Variants in SOX5 observed in about 807,000 individuals in gnomAD.
SOX5 encodes the protein transcription factor SOX-5.
SOX5 carries 9 observed loss-of-function variants against 92.0 expected under a neutral mutation model. That is an observed-to-expected ratio of 0.10 (90% CI 0.06 to 0.17). The LOEUF (loss-of-function observed/expected upper bound fraction) is 0.17. Ranked by LOEUF, SOX5 falls within the 10% of genes least tolerant of loss-of-function variation. The pLI, the probability that SOX5 is intolerant of heterozygous loss-of-function variation, is 1.00. For synonymous variants in SOX5, 344 were observed against 336.3 expected (o/e 1.02, Z -0.25); for missense variants, 642 against 944.5 (o/e 0.68, Z 4.20).
At chr12:23,938,456 G>A (rs1289927328) in intron 1 of SOX5, among the ~76,000 whole-genome samples, 2 of 150,874 alleles carry the variant, frequency 1.3e-5, no homozygotes, top group African/African-American at 4.8e-5. Context: ...TTTGTACAAA[G>A]AATACTTTAA....
At chr12:24,035,290 C>G (rs1013407849) in intron 4 of SOX5, among the ~76,000 whole-genome samples, 3 of 152,078 alleles carry the variant, frequency 2.0e-5, no homozygotes, top group African/African-American at 7.2e-5. Flanking sequence ...TAAAAGCTAA[C>G]CAATGATAAC....
chr12:24,102,281 G>A (rs1249839233), intron 4 of SOX5, among the ~76,000 whole-genome samples: 1 of 152,132 alleles, frequency 6.6e-6, no homozygotes, highest in African/African-American at 2.4e-5. Context: ...TGTTGATAAT[G>A]TTCAATGGTG....
At chr12:24,517,555 G>A (rs1299986623) in intron 1 of SOX5, among the ~76,000 whole-genome samples, 1 of 152,202 alleles carries the variant, frequency 6.6e-6, no homozygotes, top group African/African-American at 2.4e-5. Flanking sequence ...GGCAGTCCTT[G>A]AGGATATCAA....
chr12:23,547,797 A>G (rs1420755303), intron 11 of SOX5, among the ~76,000 whole-genome samples: 1 of 152,148 alleles, frequency 6.6e-6, no homozygotes, highest in East Asian at 1.9e-4. Context: ...ATAGTATTAA[A>G]GTTGAAATAA....
intron 6 of SOX5, among the ~76,000 whole-genome samples, chr12:23,731,835 T>A (rs2093405052): frequency 6.6e-6 from 1 of 152,226 alleles, no homozygotes; most frequent in Non-Finnish European, 1.5e-5. Flanking sequence ...TACAGTCTAC[T>A]ACTCCATCAA....
intron 4 of SOX5, among the ~76,000 whole-genome samples, chr12:24,099,877 T>C (rs890952921): frequency 6.6e-6 from 1 of 152,182 alleles, no homozygotes; most frequent in East Asian, 1.9e-4. Context: ...TGAGACAAGC[T>C]GTAAATCTTG....
In SOX5 at chr12:23,529,558, AAGG is replaced by A. The variant is rs1263550671; in HGVS notation, c.*4658_*4660del. The A allele has an allele frequency of 6.6e-6, 1 of 152,174 alleles. No individual in the cohort carries two copies. Among genetic ancestry groups the A allele is most frequent in the Non-Finnish European group, 1.5e-5 (1 of 68,032 alleles). The allele number at this position is 152,174 out of a possible 1,614,324, so 9.4% of individuals were successfully genotyped here. A position where few individuals can be genotyped will look rare whatever the true frequency, so the allele number is the denominator to read the frequency against. On this transcript the variant is annotated 3_prime_UTR_variant, in exon 15 of 15. Transcript: ENST00000451604. ...GCCTTGCATGGCAGTAATACTGAAA[AAGG>A]AGAATGCAAAAAAATAAAATAAAAT...
At chr12:23,744,042 C>A (rs2093896334) in intron 4 of SOX5, among the ~76,000 whole-genome samples, 1 of 152,096 alleles carries the variant, frequency 6.6e-6, no homozygotes. Flanking sequence ...ACTTTTTGAA[C>A]CTTCAGCCCA....
At position 23,895,208 on chromosome 12, in the gene SOX5, CA is replaced by C. The variant is rs33970684; in HGVS notation, c.270+584del. On this transcript the variant is annotated intron_variant, in intron 2 of 14. Coordinates refer to ENST00000451604, the MANE Select transcript of SOX5 (RefSeq NM_006940.6). ...GAGTTGCATATTCCAGAATAGGATG[CA>C]AAAAAAAAAAAAAAAAAAATTACCG... Among the ~76,000 whole-genome samples, 612 of 91,296 alleles carry C rather than the reference CA, an allele frequency of 6.7e-3. 2 individuals are homozygous for C. The highest frequency in any genetic ancestry group is 0.01 in the African/African-American group (247 of 24,118). 59.9% of individuals were successfully genotyped at this position (91,296 alleles called of 152,430 possible). A position where few individuals can be genotyped will look rare whatever the true frequency, so the allele number is the denominator to read the frequency against.
chr12:24,410,854 T>G (rs895936665), intron 1 of SOX5, among the ~76,000 whole-genome samples: 5 of 152,198 alleles, frequency 3.3e-5, no homozygotes, highest in Non-Finnish European at 7.3e-5. Context: ...CAAAAAAGCC[T>G]TGTTGAGATT....
Position 24,129,014 on chromosome 12 carries a change from C to T in SOX5, c.-2+84329G>A, listed in dbSNP as rs369566437. 2.8e-4 allele frequency among the ~76,000 whole-genome samples: 43 copies of T among 152,258 alleles called. No homozygotes were observed. The South Asian group carries it at 4.4e-3, about 15-fold the overall frequency. ...ACTGGGATTTGCTGATGGATTTAAA[C>T]GCAATTATGCACATTTACAAGGACA... On this transcript the variant is annotated intron_variant, in intron 4 of 4. Coordinates refer to the SOX5 transcript ENST00000446891.
At chr12:24,067,910 C>T (rs138863620) in intron 4 of SOX5, among the ~76,000 whole-genome samples, 2,894 of 152,240 alleles carry the variant, frequency 0.019, 87 homozygotes, top group African/African-American at 0.066. Context: ...TATGGGAGGC[C>T]GAGGCGGGCG....
At chr12:24,125,153 A>C (rs1481631352) in intron 4 of SOX5, among the ~76,000 whole-genome samples, 2 of 152,222 alleles carry the variant, frequency 1.3e-5, no homozygotes, top group Non-Finnish European at 2.9e-5. Flanking sequence ...ACTTCTGTGT[A>C]TGAATTTATT....
chr12:23,971,342 T>C (rs1591934636), intron 4 of SOX5, among the ~76,000 whole-genome samples: 1 of 151,568 alleles, frequency 6.6e-6, no homozygotes, highest in East Asian at 1.9e-4. Context: ...CAGGAAGGTC[T>C]AGATCTCCTG....
chr12:24,399,027 C>A (rs1960811168), intron 1 of SOX5, among the ~76,000 whole-genome samples: 2 of 152,178 alleles, frequency 1.3e-5, no homozygotes, highest in Admixed American at 6.5e-5. Context: ...TAGACCACAG[C>A]AGCCCCAGTT....
chr12:24,308,085 G>A (rs1301167205), intron 2 of SOX5, among the ~76,000 whole-genome samples: 1 of 152,064 alleles, frequency 6.6e-6, no homozygotes, highest in East Asian at 1.9e-4. Flanking sequence ...GCAGTTAGGT[G>A]AGTGTGCTCA....
intron 8 of SOX5, among the ~76,000 whole-genome samples, chr12:23,607,420 A>G (rs976838251): frequency 1.3e-5 from 2 of 152,204 alleles, no homozygotes; most frequent in Non-Finnish European, 2.9e-5. Context: ...AAATTAAAGA[A>G]GCTGACAATA....
chr12:24,328,740 T>G (rs973956479), intron 2 of SOX5, among the ~76,000 whole-genome samples: 2 of 152,238 alleles, frequency 1.3e-5, no homozygotes, highest in Admixed American at 6.5e-5. Context: ...GTGTGGGAGA[T>G]GCAAACTACC....
chr12:23,877,578 T>C (rs2096941423), intron 2 of SOX5, among the ~76,000 whole-genome samples: 1 of 152,084 alleles, frequency 6.6e-6, no homozygotes, highest in African/African-American at 2.4e-5. Flanking sequence ...TAATAAGAGA[T>C]ATATCAAAGC....
Sources: allele counts gnomAD v4.1 joint callset (sites outside exome capture counted in the v4.1 genomes callset), GRCh38; gene constraint gnomAD v4.1.1; transcripts MANE v1.5; gene names NCBI Gene and HGNC (gene_info 2026-07-23, HGNC 2026-07-21).